Variants in PLCH1 observed in about 807,000 individuals in gnomAD.
The protein encoded by PLCH1 is phospholipase C eta 1.
Under a neutral mutation model 126.7 loss-of-function variants are expected in PLCH1, and 60 were observed. The observed-to-expected ratio is 0.47, with a 90% CI of 0.38 to 0.59. The LOEUF (loss-of-function observed/expected upper bound fraction) is 0.59. Ranked by LOEUF, PLCH1 falls within the 20% of genes least tolerant of loss-of-function variation. PLCH1 has a pLI of 0.00. For missense variants in PLCH1, 1,723 were observed against 2,040.0 expected (o/e 0.84, Z 2.99); for synonymous variants, 719 against 734.9 (o/e 0.98, Z 0.35).
chr3:155,452,263 C>T (rs772922718), intron 21 of PLCH1, among the ~76,000 whole-genome samples: 1 of 152,120 alleles, frequency 6.6e-6, no homozygotes, highest in Non-Finnish European at 1.5e-5. Flanking sequence ...CCATCAATCT[C>T]GTAAGACTTA....
chr3:155,514,739 T>C lies in PLCH1; in HGVS notation c.1616A>G (p.Asn539Ser), dbSNP rs1720074679. 5.0e-6 allele frequency: 8 copies of C among 1,591,168 alleles called. No homozygotes were observed. Among genetic ancestry groups the C allele is most frequent in the Non-Finnish European group, 6.9e-6 (8 of 1,166,502 alleles). The change falls in exon 12 of 23, where the codon AAT becomes AGT. Residue 539 changes from asparagine to serine, a missense_variant. Asn to Ser is a conservative substitution (Grantham distance 46). Transcript: ENST00000460012. ...ATCAGATACCTGCTTCAGGTGTGCA[T>C]TTAAGCCTTCATGCGTGGCCTTCAG... The part of the protein sequence containing the change: ...ALLKATHEGL[N>S]AHLKQSPDVK...
chr3:155,691,629 G>T (rs1745392128), intron 2 of PLCH1, among the ~76,000 whole-genome samples: 1 of 152,146 alleles, frequency 6.6e-6, no homozygotes, highest in African/African-American at 2.4e-5. Flanking sequence ...ATGCACAGGG[G>T]TCTCTAAGTC....
intron 1 of PLCH1, among the ~76,000 whole-genome samples, chr3:155,721,437 T>C (rs897617855): frequency 2.6e-5 from 4 of 152,218 alleles, no homozygotes; most frequent in African/African-American, 9.6e-5. Flanking sequence ...ACTTCCTTAG[T>C]TAGGTATATT....
intron 2 of PLCH1, among the ~76,000 whole-genome samples, chr3:155,662,591 C>A (rs1742293234): frequency 1.3e-5 from 2 of 151,650 alleles, no homozygotes; most frequent in Non-Finnish European, 2.9e-5. Flanking sequence ...ACATTGCAAC[C>A]AAATACCCCC....
intron 10 of PLCH1, among the ~76,000 whole-genome samples, chr3:155,528,769 G>T (rs573669496): frequency 6.6e-6 from 1 of 152,324 alleles, no homozygotes; most frequent in African/African-American, 2.4e-5. Flanking sequence ...GTGCTGAGCA[G>T]GTAAGGACAC....
Position 155,458,385 on chromosome 3 carries a change from AGAAGGAAGGAAGGAAGGAAGGAAG to A in PLCH1, c.2938+26947_2938+26970del, listed in dbSNP as rs781003032. On this transcript the variant is annotated intron_variant, in intron 21 of 21. Coordinates refer to the PLCH1 transcript ENST00000494598. ...AAAGAAAGAAGAAAGAAAGAAAGAA[AGAAGGAAGGAAGGAAGGAAGGAAG>A]GAAGGAAGGAAGGAAGGAAGGAAGG... 4.0e-3 allele frequency among the ~76,000 whole-genome samples: 154 copies of A among 38,852 alleles called. 7 individuals carry two copies. Among genetic ancestry groups the A allele is most frequent in the East Asian group, 0.013 (17 of 1,326 alleles). 25.5% of individuals were successfully genotyped at this position (38,852 alleles called of 152,430 possible). A position where few individuals can be genotyped will look rare whatever the true frequency, so the allele number is the denominator to read the frequency against.
chr3:155,533,225 A>G (rs1412522381), intron 10 of PLCH1, among the ~76,000 whole-genome samples: 1 of 152,018 alleles, frequency 6.6e-6, no homozygotes, highest in African/African-American at 2.4e-5. Flanking sequence ...AAAAGTTTGG[A>G]AAATTTGCAG....
chr3:155,684,063 T>C (rs1040572346), intron 2 of PLCH1, among the ~76,000 whole-genome samples: 1 of 152,160 alleles, frequency 6.6e-6, no homozygotes, highest in Non-Finnish European at 1.5e-5. Context: ...CTGAGTCTAA[T>C]AAAAGGTAAA....
At chr3:155,451,254 T>TAGATGTTGAGATTAGC (rs143363004) in intron 21 of PLCH1, among the ~76,000 whole-genome samples, 7 of 152,140 alleles carry the variant, frequency 4.6e-5, no homozygotes, top group African/African-American at 1.7e-4. Flanking sequence ...GAATCATTAA[T>TAGATGTTGAGATTAGC]AGGTAAGGGT....
chr3:155,744,518 C>A (rs1409286363), intron 1 of PLCH1, among the ~76,000 whole-genome samples: 1 of 152,168 alleles, frequency 6.6e-6, no homozygotes, highest in African/African-American at 2.4e-5. Flanking sequence ...TGCAGCGAGG[C>A]TGGACCTTCC....
At chr3:155,718,846 A>G (rs1203941528) in intron 1 of PLCH1, among the ~76,000 whole-genome samples, 1 of 151,796 alleles carries the variant, frequency 6.6e-6, no homozygotes. Flanking sequence ...GTTAGCAGAT[A>G]TTTTCCCCAT....
At chr3:155,616,213 G>T (rs1184622145) in intron 2 of PLCH1, among the ~76,000 whole-genome samples, 1 of 152,146 alleles carries the variant, frequency 6.6e-6, no homozygotes, top group African/African-American at 2.4e-5. Flanking sequence ...TAGTAGAAAG[G>T]TATGGAAATT....
At chr3:155,657,165 C>T (rs182536259) in intron 2 of PLCH1, among the ~76,000 whole-genome samples, 1 of 151,420 alleles carries the variant, frequency 6.6e-6, no homozygotes, top group Admixed American at 6.6e-5. Flanking sequence ...AGATGAGTAA[C>T]CCACATGAAA....
rs374724429 is a variant in PLCH1 at position 155,492,868 on chromosome 3, G to A, written c.2183-15C>T. On this transcript the variant is annotated splice_polypyrimidine_tract_variant and intron_variant, in intron 17 of 22. Coordinates refer to ENST00000460012, the MANE Select transcript of PLCH1 (RefSeq NM_014996.4). ...GTTGAAAGTACCTAGGCCAAGTAAA[G>A]TATAAGTTGGTAACATAAGAAGAAA... The A allele has an allele frequency of 3.2e-6, 5 of 1,563,722 alleles. No homozygotes were observed. In the African/African-American group the frequency reaches 5.5e-5, roughly 17 times the overall value.
rs150846107 is a variant in PLCH1 at position 155,492,809 on chromosome 3, T to G, written c.2227A>C (p.Lys743Gln). The G allele has an allele frequency of 7.2e-5, 116 of 1,604,896 alleles. 1 individual carries two copies. In the African/African-American group the frequency reaches 1.4e-3, roughly 19 times the overall value. Residue 743 changes from lysine to glutamine, a missense_variant, in exon 18 of 23, where the codon AAA (lysine) becomes CAA (glutamine). Around this residue, in one of 2 missense-constraint regions of PLCH1, gnomAD observed 776 missense variants for 1,062.9 expected, o/e 0.73. Coordinates refer to ENST00000460012, the MANE Select transcript of PLCH1 (RefSeq NM_014996.4). Reference protein sequence around the residue: ...FSGDPLPANPKKQLILKVISG... With the variant: ...FSGDPLPANPQKQLILKVISG... Reference sequence around the variant, plus strand: ...ATAACTTTCAGGATGAGCTGCTTTTTGGGGTTGGCAGGAAGAGGGTCACCA... The same window carrying G: ...ATAACTTTCAGGATGAGCTGCTTTTGGGGGTTGGCAGGAAGAGGGTCACCA...
chr3:155,663,037 T>G (rs569350179), intron 2 of PLCH1, among the ~76,000 whole-genome samples: 31 of 152,342 alleles, frequency 2.0e-4, no homozygotes, highest in African/African-American at 7.0e-4. Flanking sequence ...TTCTTCTGAT[T>G]GAAAAATCTC....
At chr3:155,650,833 T>A (rs1056625167) in intron 2 of PLCH1, among the ~76,000 whole-genome samples, 5 of 151,692 alleles carry the variant, frequency 3.3e-5, no homozygotes, top group Non-Finnish European at 7.4e-5. Flanking sequence ...AGGTCAGGAG[T>A]TCGAGACTAG....
At chr3:155,646,253 CT>C (rs1740041184) in intron 2 of PLCH1, among the ~76,000 whole-genome samples, 1 of 152,220 alleles carries the variant, frequency 6.6e-6, no homozygotes, top group African/African-American at 2.4e-5. Context: ...ATGAAACCCT[CT>C]TGGCTTCAGG....
chr3:155,499,013 C>G (rs1717494215), intron 14 of PLCH1, among the ~76,000 whole-genome samples: 1 of 152,124 alleles, frequency 6.6e-6, no homozygotes, highest in South Asian at 2.1e-4. Flanking sequence ...AAAATAGTAA[C>G]TAATTAGGAA....
Sources: gnomAD v4.1 joint callset for allele counts (sites outside exome capture counted in the v4.1 genomes callset) on GRCh38, gnomAD v4.1.1 for gene constraint, gnomAD v4.1.1 regional missense constraint, MANE v1.5 for transcripts, NCBI Gene and HGNC (gene_info 2026-07-23, HGNC 2026-07-21) for gene names.